Variants in GRM7 observed in about 807,000 individuals in gnomAD.
The protein encoded by GRM7 is metabotropic glutamate receptor 7.
A neutral mutation model predicts 84.5 loss-of-function variants in GRM7; 35 were observed. The ratio of observed to expected loss-of-function variants is 0.41; its 90% CI spans 0.32 to 0.55. GRM7 has a LOEUF of 0.55. GRM7 is among the 20% of genes least tolerant of loss of function. GRM7 has a pLI of 0.19. For missense variants in GRM7, 1,003 were observed against 1,194.6 expected (o/e 0.84, Z 2.36); for synonymous variants, 487 against 455.1 (o/e 1.07, Z -0.89).
At chr3:7,013,367 T>C (rs1695452062) in intron 1 of GRM7, among the ~76,000 whole-genome samples, 1 of 152,156 alleles carries the variant, frequency 6.6e-6, no homozygotes, top group Admixed American at 6.5e-5. Flanking sequence ...TGGTTTTTCC[T>C]GTCTCACTCC....
At chr3:7,053,737 C>T (rs756395570) in intron 1 of GRM7, among the ~76,000 whole-genome samples, 1 of 151,408 alleles carries the variant, frequency 6.6e-6, no homozygotes, top group African/African-American at 2.4e-5. Context: ...TCTGTTTCTA[C>T]AAGAATATCA....
chr3:7,324,199 AT>A (rs1700895200), intron 4 of GRM7, among the ~76,000 whole-genome samples: 1 of 152,138 alleles, frequency 6.6e-6, no homozygotes, highest in Admixed American at 6.5e-5. Flanking sequence ...CAGCATCATG[AT>A]TTTCATCCCT....
At chr3:7,634,687 G>C (rs1026061356) in intron 8 of GRM7, among the ~76,000 whole-genome samples, 1 of 151,652 alleles carries the variant, frequency 6.6e-6, no homozygotes, top group Non-Finnish European at 1.5e-5. Context: ...CAAGCTACTC[G>C]GGAGGCTGAG....
chr3:6,898,311 G>T (rs1194380573), intron 1 of GRM7, among the ~76,000 whole-genome samples: 4 of 151,682 alleles, frequency 2.6e-5, no homozygotes, highest in African/African-American at 9.7e-5. Flanking sequence ...GGAAAATTTG[G>T]GTTTTAATGA....
intron 1 of GRM7, among the ~76,000 whole-genome samples, chr3:6,998,832 A>G (rs962801311): frequency 6.6e-6 from 1 of 152,182 alleles, no homozygotes; most frequent in East Asian, 1.9e-4. Context: ...CCATGACCCT[A>G]GGCTGCACAA....
At position 7,413,730 on chromosome 3, in the gene GRM7, G is replaced by A. The variant is rs190335468; in HGVS notation, c.1034-1293G>A. On this transcript the variant is annotated intron_variant, in intron 4 of 9. Coordinates refer to ENST00000357716, the MANE Select transcript of GRM7 (RefSeq NM_000844.4). ...TGATACAGTAAGTTGGTGATGGAGC[G>A]TCTAGTAGAGAAAGAGAGGAAATGG... is the stretch of plus-strand genomic sequence containing the variant. Among the ~76,000 whole-genome samples, 267 of 152,270 alleles carry A rather than the reference G, an allele frequency of 1.8e-3. 1 individual carries two copies. Among genetic ancestry groups the A allele is most frequent in the Non-Finnish European group, 3.3e-3 (224 of 68,020 alleles).
chr3:7,740,183 G>T (rs980424090), intron 9 of GRM7, among the ~76,000 whole-genome samples, 174 bp from the exon 10 acceptor site: 1 of 152,330 alleles, frequency 6.6e-6, no homozygotes, highest in South Asian at 2.1e-4. Flanking sequence ...GGGAACCACA[G>T]ATTTTGGTGG....
At chr3:7,332,399 A>G (rs2125067454) in intron 4 of GRM7, among the ~76,000 whole-genome samples, 1 of 152,274 alleles carries the variant, frequency 6.6e-6, no homozygotes, top group Non-Finnish European at 1.5e-5. Context: ...ATCAAAGAAA[A>G]TTTGTGTTGA....
rs114858784 is a variant in GRM7, at chr3:7,361,239, T to A, written c.1034-53784T>A. ...AAGTGTTTCTTTTTTTTAACTAGATTATTTTTAACGTGGAAAGTACCTTCT... is the reference window on the plus strand; with the variant it reads ...AAGTGTTTCTTTTTTTTAACTAGATAATTTTTAACGTGGAAAGTACCTTCT... On this transcript the variant is annotated intron_variant, in intron 4 of 9. Transcript: ENST00000357716. Among the ~76,000 whole-genome samples, 934 of 152,218 alleles carry A rather than the reference T, an allele frequency of 6.1e-3. 6 individuals are homozygous for A. Among genetic ancestry groups the A allele is most frequent in the African/African-American group, 0.021 (881 of 41,548 alleles).
chr3:6,935,314 A>G (rs1018495734), intron 1 of GRM7, among the ~76,000 whole-genome samples: 1 of 152,070 alleles, frequency 6.6e-6, no homozygotes, highest in Non-Finnish European at 1.5e-5. Context: ...AACAACATTC[A>G]CTGAATGAAA....
intron 7 of GRM7, among the ~76,000 whole-genome samples, chr3:7,466,396 A>G (rs149498848): frequency 6.6e-6 from 1 of 152,308 alleles, no homozygotes; most frequent in East Asian, 1.9e-4. Context: ...AGTGGAAAAG[A>G]ATTGCTTTAG....
At chr3:7,159,276 C>T (rs1271118883) in intron 2 of GRM7, among the ~76,000 whole-genome samples, 14 of 152,076 alleles carry the variant, frequency 9.2e-5, no homozygotes, top group Admixed American at 3.9e-4. Context: ...CAATAAAACA[C>T]GAAGATTCAG....
intron 9 of GRM7, among the ~76,000 whole-genome samples, chr3:7,693,209 A>ATGAG (rs760031690): frequency 1.3e-5 from 2 of 152,218 alleles, no homozygotes; most frequent in South Asian, 4.2e-4. Flanking sequence ...AGTTCAAACG[A>ATGAG]TGAGTCTTCA....
chr3:7,168,790 A>G (rs1237213458), intron 2 of GRM7, among the ~76,000 whole-genome samples: 3 of 152,192 alleles, frequency 2.0e-5, no homozygotes, highest in African/African-American at 7.2e-5. Flanking sequence ...TTGAGTAACT[A>G]CCAAGACTAG....
chr3:7,297,288 G>C (rs1699847583), intron 2 of GRM7, among the ~76,000 whole-genome samples: 1 of 152,014 alleles, frequency 6.6e-6, no homozygotes, highest in Non-Finnish European at 1.5e-5. Context: ...TAATTTCCAA[G>C]TGTTTGGAGA....
At chr3:7,171,447 T>A (rs557614137) in intron 2 of GRM7, among the ~76,000 whole-genome samples, 2 of 152,278 alleles carry the variant, frequency 1.3e-5, no homozygotes, top group East Asian at 1.9e-4. Context: ...AAGACTTCAA[T>A]GTGTCTTTAT....
rs1046174293 is a variant in GRM7 at position 7,458,627 on chromosome 3, C to G, written c.1376-2956C>G. On this transcript the variant is annotated intron_variant, in intron 6 of 9. Transcript: ENST00000357716. ...AAAGGGCGTGACAAGACCGTTTCTT[C>G]TAACTAAGATTGCAAGAAGGGAAAA... 1.6e-4 allele frequency among the ~76,000 whole-genome samples: 24 copies of G among 152,108 alleles called. 1 individual carries two copies. Among genetic ancestry groups the G allele is most frequent in the Admixed American group, 1.3e-4 (2 of 15,264 alleles).
chr3:7,525,019 A>G (rs1476921485), intron 7 of GRM7, among the ~76,000 whole-genome samples: 6 of 150,932 alleles, frequency 4.0e-5, no homozygotes, highest in Middle Eastern at 3.4e-3. Context: ...ACAAGAACAA[A>G]AAACCAAACA....
At chr3:7,473,256 C>A (rs1218725549) in intron 7 of GRM7, among the ~76,000 whole-genome samples, 1 of 152,008 alleles carries the variant, frequency 6.6e-6, no homozygotes, top group Non-Finnish European at 1.5e-5. Context: ...TCACTTGGGG[C>A]CAGGAGTTTG....
Sources: allele counts gnomAD v4.1 joint callset (sites outside exome capture counted in the v4.1 genomes callset), GRCh38; gene constraint gnomAD v4.1.1; transcripts MANE v1.5; gene names NCBI Gene and HGNC (gene_info 2026-07-23, HGNC 2026-07-21).